The following RNGTT variants were observed in gnomAD, a reference collection of about 807,000 sequenced individuals.
The protein encoded by RNGTT is RNA guanylyltransferase and 5'-phosphatase, also known as mRNA-capping enzyme.
Under a neutral mutation model 79.3 loss-of-function variants are expected in RNGTT, and 33 were observed. The observed-to-expected ratio is 0.42, with a 90% CI of 0.32 to 0.56. The LOEUF (loss-of-function observed/expected upper bound fraction) is 0.56. RNGTT is among the 20% of genes least tolerant of loss of function. The probability of loss-of-function intolerance (pLI) is 0.17; values close to 1 mark genes in which losing one functional copy is unlikely to be tolerated. For synonymous variants in RNGTT, 222 were observed against 235.9 expected (o/e 0.94, Z 0.54); for missense variants, 497 against 739.1 (o/e 0.67, Z 3.80).
chr6:88,614,032 C>T (rs910098052), intron 15 of RNGTT, among the ~76,000 whole-genome samples: 1 of 152,176 alleles, frequency 6.6e-6, no homozygotes, highest in Admixed American at 6.5e-5. Context: ...AGCCCAGTAT[C>T]CTGCCCTTTA....
chr6:88,704,786 G>A (rs1391239940), intron 13 of RNGTT, among the ~76,000 whole-genome samples: 1 of 152,010 alleles, frequency 6.6e-6, no homozygotes, highest in African/African-American at 2.4e-5. Flanking sequence ...AAAGAGAAAG[G>A]CAACAACAGG....
At chr6:88,842,945 T>C (rs1486962513) in intron 11 of RNGTT, among the ~76,000 whole-genome samples, 1 of 151,686 alleles carries the variant, frequency 6.6e-6, no homozygotes, top group Non-Finnish European at 1.5e-5. Flanking sequence ...CATGGTAGTA[T>C]GCGCCTGTAG....
Position 88,890,562 on chromosome 6 carries a change from C to G in RNGTT, c.829G>C (p.Asp277His). 1.2e-6 allele frequency: 2 copies of G among 1,613,614 alleles called. No individual in the cohort carries two copies. The highest frequency in any genetic ancestry group is 1.1e-5 in the South Asian group (1 of 91,052). The change falls in exon 8 of 16, where the codon GAC (aspartate) becomes CAC (histidine). Residue 277 changes from aspartate (D) to histidine (H), a missense_variant. Asp to His is a moderately conservative substitution (Grantham distance 81). Coordinates refer to ENST00000369485, the MANE Select transcript of RNGTT (RefSeq NM_003800.5). ...GFPGAQPVSM[D>H]KQNIKLLDLK... ...TCTAAAAGTTTAATATTTTGCTTGT[C>G]CATGGAAACAGGCTGTGCTCCAGGG...
chr6:88,673,085 T>A (rs138657505), intron 14 of RNGTT, among the ~76,000 whole-genome samples: 1 of 152,190 alleles, frequency 6.6e-6, no homozygotes, highest in Non-Finnish European at 1.5e-5. Flanking sequence ...TTTAGAAATA[T>A]AGTTGTAAAA....
intron 13 of RNGTT, among the ~76,000 whole-genome samples, chr6:88,752,948 A>T (rs1188245055): frequency 6.6e-6 from 1 of 152,126 alleles, no homozygotes; most frequent in African/African-American, 2.4e-5. Context: ...GATCCTACAG[A>T]TATTATCAAG....
At chr6:88,882,631 C>T (rs10944412) in intron 8 of RNGTT, among the ~76,000 whole-genome samples, 33,871 of 152,182 alleles carry the variant, frequency 0.22, 4,443 homozygotes, top group Non-Finnish European at 0.29. Flanking sequence ...GAAACTTAAT[C>T]TCCAGTGCAA....
intron 6 of RNGTT, among the ~76,000 whole-genome samples, chr6:88,903,360 A>T (rs1210268376): frequency 6.6e-6 from 1 of 152,164 alleles, no homozygotes; most frequent in Non-Finnish European, 1.5e-5. Flanking sequence ...TGCCTGAGCA[A>T]CAGAGTTGAG....
At chr6:88,941,032 T>C in intron 2 of RNGTT, 39 bp downstream of exon 2, 1 of 1,213,686 alleles carries the variant, frequency 8.2e-7, no homozygotes, top group East Asian at 2.3e-5. Context: ...CTGAACAAAG[T>C]ATATTAAATC....
intron 1 of RNGTT, among the ~76,000 whole-genome samples, chr6:88,958,736 A>G (rs1190382706): frequency 6.6e-6 from 1 of 152,228 alleles, no homozygotes; most frequent in Non-Finnish European, 1.5e-5. Context: ...TGTGGGGAAA[A>G]GGTAACACTT....
At chr6:88,693,293 C>T (rs977237966) in intron 13 of RNGTT, among the ~76,000 whole-genome samples, 5 of 151,882 alleles carry the variant, frequency 3.3e-5, no homozygotes, top group African/African-American at 4.8e-5. Flanking sequence ...GATATTACAA[C>T]GGATACCTTA....
chr6:88,637,089 A>G (rs1311592499), intron 14 of RNGTT, among the ~76,000 whole-genome samples: 1 of 152,128 alleles, frequency 6.6e-6, no homozygotes, highest in Non-Finnish European at 1.5e-5. Context: ...GAGTTAACAC[A>G]TACAAACCAT....
chr6:88,677,778 G>A (rs935861197), intron 14 of RNGTT, among the ~76,000 whole-genome samples: 4 of 152,002 alleles, frequency 2.6e-5, no homozygotes, highest in Non-Finnish European at 5.9e-5. Flanking sequence ...TACCCGACTT[G>A]TAAACATTTT....
At chr6:88,659,743 AT>A (rs1774113245) in intron 14 of RNGTT, among the ~76,000 whole-genome samples, 1 of 152,250 alleles carries the variant, frequency 6.6e-6, no homozygotes, top group East Asian at 1.9e-4. Context: ...GGAATAGTCA[AT>A]AAAAACTTCC....
chr6:88,836,015 CACACACACATAT>C (rs1781060405), intron 11 of RNGTT, among the ~76,000 whole-genome samples: 2 of 121,858 alleles, frequency 1.6e-5, no homozygotes, highest in African/African-American at 2.9e-5. Flanking sequence ...CACACACACA[CACACACACATAT>C]ATATATAAGA....
At chr6:88,757,428 A>G (rs1778057842) in intron 13 of RNGTT, among the ~76,000 whole-genome samples, 1 of 152,248 alleles carries the variant, frequency 6.6e-6, no homozygotes, top group African/African-American at 2.4e-5. Context: ...CTAAATACAA[A>G]GGTATTAAAT....
At chr6:88,648,168 T>A (rs1380450805) in intron 14 of RNGTT, among the ~76,000 whole-genome samples, 1 of 152,190 alleles carries the variant, frequency 6.6e-6, no homozygotes, top group African/African-American at 2.4e-5. Flanking sequence ...AATATTTTGC[T>A]ACCTGACAGG....
At chr6:88,933,922 T>G (rs1012755578) in intron 2 of RNGTT, among the ~76,000 whole-genome samples, 13 of 152,226 alleles carry the variant, frequency 8.5e-5, no homozygotes, top group African/African-American at 3.1e-4. Context: ...TTCCATACTG[T>G]TTTCCATGGT....
Position 88,794,601 on chromosome 6 carries a change from C to T in RNGTT, c.1338+6963G>A, listed in dbSNP as rs115759444. 7.7e-3 allele frequency among the ~76,000 whole-genome samples: 1,178 copies of T among 152,164 alleles called. 8 individuals carry two copies. Among genetic ancestry groups the T allele is most frequent in the African/African-American group, 0.026 (1,092 of 41,526 alleles). On this transcript the variant is annotated intron_variant, in intron 12 of 15. Coordinates refer to ENST00000369485, the MANE Select transcript of RNGTT (RefSeq NM_003800.5). ...TTATTTTGCAAGGCAAAAATATAAC[C>T]ACAGCCCATAGATTTTTGTGAGGCA...
chr6:88,856,362 A>C (rs1348869758), intron 8 of RNGTT, among the ~76,000 whole-genome samples: 1 of 152,018 alleles, frequency 6.6e-6, no homozygotes. Flanking sequence ...TGAGAATTTT[A>C]AATTTAATGT....
Sources: gnomAD v4.1 joint callset for allele counts (sites outside exome capture counted in the v4.1 genomes callset) on GRCh38, gnomAD v4.1.1 for gene constraint, MANE v1.5 for transcripts, NCBI Gene and HGNC (gene_info 2026-07-23, HGNC 2026-07-21) for gene names.